Variants in RBM41 observed in about 807,000 individuals in gnomAD.
The protein encoded by RBM41 is RNA binding motif protein 41.
In RBM41, 14 loss-of-function variants were observed where a neutral mutation model predicts 30.8. The observed-to-expected ratio is 0.45, with a 90% CI of 0.30 to 0.71. RBM41 has a LOEUF of 0.71. Ranked by LOEUF, RBM41 falls within the 30% of genes least tolerant of loss-of-function variation. The pLI, the probability that RBM41 is intolerant of heterozygous loss-of-function variation, is 0.08. For missense variants in RBM41, 276 were observed against 326.3 expected, an observed-to-expected ratio of 0.85 and a Z score of 1.19; for synonymous variants, 120 against 110.1, an observed-to-expected ratio of 1.09 and a Z score of -0.56.
At chrX:107,108,836 C>T (rs1344200913) in intron 5 of RBM41, among the ~76,000 whole-genome samples, 1 of 110,331 alleles carries the variant, frequency 9.1e-6, no homozygotes, top group East Asian at 2.8e-4. Context: ...AGTTCTGGAG[C>T]ACCATAAAAG....
intron 2 of RBM41, 41 bp from the exon 3 acceptor site, chrX:107,116,095 T>C (rs1316108439): frequency 9.3e-7 from 1 of 1,076,665 alleles, no homozygotes; most frequent in Admixed American, 3.2e-5. Flanking sequence ...ATCTTGAGGT[T>C]ACTATCATTC....
At chrX:107,052,791 A>C in the RBM41 span, among the ~76,000 whole-genome samples, 3 of 111,599 alleles carry the variant, frequency 2.7e-5, no homozygotes, top group African/African-American at 9.8e-5. Context: ...AGAAGGGGAG[A>C]ACCCAGGGCA....
intron 7 of RBM41, among the ~76,000 whole-genome samples, chrX:107,068,550 C>T (rs1179696588): frequency 9.0e-6 from 1 of 111,247 alleles, no homozygotes; most frequent in Admixed American, 9.6e-5. Context: ...ATTTAAAAAC[C>T]TTCAGTATGA....
intron 5 of RBM41, among the ~76,000 whole-genome samples, chrX:107,098,554 G>A (rs868206614): frequency 9.0e-6 from 1 of 111,324 alleles, no homozygotes; most frequent in Non-Finnish European, 1.9e-5. Context: ...CACAATAACA[G>A]TCTAGACATT....
the RBM41 span, among the ~76,000 whole-genome samples, chrX:107,054,300 A>G: frequency 9.0e-6 from 1 of 111,650 alleles, no homozygotes; most frequent in Non-Finnish European, 1.9e-5. Flanking sequence ...CACTACCCAT[A>G]AACAATGAGG....
the RBM41 span, among the ~76,000 whole-genome samples, chrX:107,054,876 A>T: frequency 8.9e-6 from 1 of 111,842 alleles, no homozygotes; most frequent in Non-Finnish European, 1.9e-5. Context: ...CATCTAGACA[A>T]TTTTAAAGTG....
At chrX:107,076,199 C>T (rs1021439882) in intron 6 of RBM41, among the ~76,000 whole-genome samples, 1 of 109,026 alleles carries the variant, frequency 9.2e-6, no homozygotes, top group Non-Finnish European at 1.9e-5. Context: ...TGCCTGTAAT[C>T]CCAGCTACAT....
chrX:107,116,408 T>A (rs932638885), intron 2 of RBM41, among the ~76,000 whole-genome samples: 1 of 111,693 alleles, frequency 9.0e-6, no homozygotes, highest in East Asian at 2.8e-4. Flanking sequence ...GGGTTACAAG[T>A]GCTATGTTAA....
intron 6 of RBM41, among the ~76,000 whole-genome samples, chrX:107,082,110 G>A (rs1921577315): frequency 8.9e-6 from 1 of 111,864 alleles, no homozygotes; most frequent in Non-Finnish European, 1.9e-5. Context: ...AAAGGGGAAA[G>A]CATCCAGTTT....
chrX:107,109,420 G>A (rs910051502), intron 5 of RBM41, among the ~76,000 whole-genome samples: 3 of 111,660 alleles, frequency 2.7e-5, no homozygotes, highest in Admixed American at 9.5e-5. Flanking sequence ...GATGGAAAAA[G>A]ATGTCCCATA....
At chrX:107,070,804 T>C (rs1936029279) in intron 6 of RBM41, among the ~76,000 whole-genome samples, 1 of 110,610 alleles carries the variant, frequency 9.0e-6, no homozygotes, top group Admixed American at 9.6e-5. Flanking sequence ...AGAGGATCGC[T>C]TGAGTCCAGG....
rs1569347060 is a variant in RBM41 at position 107,113,467 on chromosome X, T to C, written c.525A>G (p.Ala175=). 2.0e-6 allele frequency: 2 copies of C among 982,853 alleles called. No homozygotes were observed. The highest frequency in any genetic ancestry group is 7.5e-5 in the East Asian group (1 of 13,339). 81.0% of individuals were successfully genotyped at this position (982,853 alleles called of 1,213,427 possible). ...TGTCTGCACTTGTCTTTTTGTGGTA[T>C]GCTGTGAAGGTTTAAAGCAAGGAGT... ...HSFLKALYYQ[A]YHKKTSADKY... is the part of the protein sequence containing the mutation. Residue 175 remains alanine (A), a splice_region_variant and synonymous_variant, in exon 5 of 8, where the codon GCA becomes GCG. Transcript: ENST00000685964.
chrX:107,068,047 C>T (rs1387285038), intron 7 of RBM41, among the ~76,000 whole-genome samples: 1 of 111,644 alleles, frequency 9.0e-6, no homozygotes, highest in Non-Finnish European at 1.9e-5. Flanking sequence ...TAGAATCAAT[C>T]ATTTTCAAAA....
chrX:107,079,439 A>G (rs1295769256), intron 6 of RBM41, among the ~76,000 whole-genome samples: 1 of 111,749 alleles, frequency 8.9e-6, no homozygotes, highest in Non-Finnish European at 1.9e-5. Context: ...AGTACCTGCC[A>G]TGGGAAATAA....
Position 107,101,815 on chromosome X carries a change from G to A in RBM41, c.595+11582C>T, listed in dbSNP as rs763848425. The stretch of plus-strand genomic sequence containing the variant: ...AAGTACCACTGGTACTGGGAAGTAA[G>A]ATGCTGCTTTAACAAATACCTAAAA... On this transcript the variant is annotated intron_variant, in intron 5 of 7. Coordinates refer to ENST00000685964, the MANE Select transcript of RBM41 (RefSeq NM_001324242.2). Among the ~76,000 whole-genome samples the A allele has an allele frequency of 2.7e-5, 3 of 112,321 alleles. No individual in the cohort carries two copies. In the East Asian group the frequency reaches 8.4e-4, roughly 31 times the overall value.
chrX:107,096,190 A>G (rs1490596977), intron 5 of RBM41, among the ~76,000 whole-genome samples: 2 of 112,343 alleles, frequency 1.8e-5, no homozygotes, highest in Non-Finnish European at 3.8e-5. Context: ...AGTTTTCTCC[A>G]AATTGAATTA....
At chrX:107,067,793 C>T (rs1569323751) in intron 7 of RBM41, 100 bp from the exon 8 acceptor site, 1 of 935,754 alleles carries the variant, frequency 1.1e-6, no homozygotes, top group Non-Finnish European at 1.4e-6. Flanking sequence ...TAAATGTAAG[C>T]TATAAGGCCA....
chrX:107,101,108 A>G (rs923169834), intron 5 of RBM41, among the ~76,000 whole-genome samples: 3 of 111,698 alleles, frequency 2.7e-5, no homozygotes, highest in African/African-American at 9.8e-5. Context: ...TATGGGTGGT[A>G]AAGATATAAA....
chrX:107,067,812 T>C, intron 7 of RBM41, 119 bp from the exon 8 acceptor site: 2 of 801,011 alleles, frequency 2.5e-6, no homozygotes, highest in South Asian at 5.9e-5. Context: ...CATATAGTCA[T>C]TTGATTTGAT....
Sources: allele counts gnomAD v4.1 joint callset (sites outside exome capture counted in the v4.1 genomes callset), GRCh38; gene constraint gnomAD v4.1.1; transcripts MANE v1.5; gene names NCBI Gene and HGNC (gene_info 2026-07-23, HGNC 2026-07-21).